AFF1: variants seen among roughly 807,000 people sequenced by gnomAD.
The protein encoded by AFF1 is ALF transcription elongation factor 1.
In AFF1, 48 loss-of-function variants were observed where a neutral mutation model predicts 121.7. The observed-to-expected ratio is 0.39, with a 90% CI of 0.31 to 0.50. AFF1 has a LOEUF of 0.50. AFF1 is among the 20% of genes least tolerant of loss of function. The pLI is 0.76. For synonymous variants in AFF1, 613 were observed against 563.0 expected (o/e 1.09, Z -1.26); for missense variants, 1,523 against 1,511.7 (o/e 1.01, Z -0.12).
intron 2 of AFF1, among the ~76,000 whole-genome samples, chr4:87,038,964 T>C (rs1729839093): frequency 6.6e-6 from 1 of 152,144 alleles, no homozygotes; most frequent in Non-Finnish European, 1.5e-5. Context: ...GGTAGTCAGC[T>C]GTGCACAGCC....
intron 2 of AFF1, among the ~76,000 whole-genome samples, chr4:86,980,590 C>G (rs1230291985): frequency 2.0e-5 from 3 of 151,980 alleles, no homozygotes; most frequent in Admixed American, 1.3e-4. Context: ...TGCATAATCT[C>G]TAAGAGATAT....
chr4:86,951,089 A>T (rs1054324689), intron 2 of AFF1, among the ~76,000 whole-genome samples: 1 of 152,214 alleles, frequency 6.6e-6, no homozygotes, highest in Non-Finnish European at 1.5e-5. Context: ...AGTGTTTTTT[A>T]CATAACAATC....
chr4:87,076,566 A>G (rs1313405112), intron 4 of AFF1, among the ~76,000 whole-genome samples: 1 of 152,222 alleles, frequency 6.6e-6, no homozygotes, highest in Non-Finnish European at 1.5e-5. Context: ...ATGTAATAAT[A>G]CTTTATTTTT....
chr4:87,102,849 G>A (rs748118287), intron 8 of AFF1, among the ~76,000 whole-genome samples: 1 of 152,186 alleles, frequency 6.6e-6, no homozygotes, highest in African/African-American at 2.4e-5. Flanking sequence ...GCTCACCCAG[G>A]TGTGCTGTAG....
chr4:86,951,692 G>A (rs1156613017), intron 2 of AFF1, among the ~76,000 whole-genome samples: 1 of 129,940 alleles, frequency 7.7e-6, no homozygotes, highest in East Asian at 2.3e-4. Context: ...GCATGATCTT[G>A]GCTCACTACA....
At chr4:86,982,877 GAA>G (rs1723886264) in intron 2 of AFF1, among the ~76,000 whole-genome samples, 1 of 127,164 alleles carries the variant, frequency 7.9e-6, no homozygotes, top group African/African-American at 3.5e-5. Flanking sequence ...AAAAAAAAAG[GAA>G]GCTTGTTTGC....
At chr4:87,089,889 G>T in intron 5 of AFF1, 95 bp from the exon 6 acceptor site, 62 of 796,842 alleles carry the variant, frequency 7.8e-5, no homozygotes, top group Middle Eastern at 2.5e-4. Flanking sequence ...TGCCATTTAT[G>T]ATCAATCCAT....
intron 2 of AFF1, among the ~76,000 whole-genome samples, chr4:86,955,032 T>C (rs1406887790): frequency 6.6e-6 from 1 of 152,224 alleles, no homozygotes; most frequent in East Asian, 1.9e-4. Context: ...ATAATGTAAT[T>C]ATCCTTTTTG....
At chr4:87,033,981 C>T (rs912397608) in intron 2 of AFF1, among the ~76,000 whole-genome samples, 1 of 152,136 alleles carries the variant, frequency 6.6e-6, no homozygotes, top group Non-Finnish European at 1.5e-5. Flanking sequence ...CCTGCAGCCA[C>T]ATGCATTCTT....
In AFF1 at chr4:87,111,012, A is replaced by ATT. The variant is rs1281817683; in HGVS notation, c.1533+2709_1533+2710dup. On this transcript the variant is annotated intron_variant, in intron 11 of 20. Coordinates refer to ENST00000395146, the MANE Select transcript of AFF1 (RefSeq NM_001166693.3). Reference sequence around the variant, plus strand: ...ACTTAAACTTTATTTTTTTTTTTTTATTTTTTTTTTTTTGAGACGGAGTCT... The same window carrying ATT: ...ACTTAAACTTTATTTTTTTTTTTTTATTTTTTTTTTTTTTTGAGACGGAGTCT... Among the ~76,000 whole-genome samples, 50 of 29,276 alleles carry ATT rather than the reference A, an allele frequency of 1.7e-3. 15 individuals carry two copies. The highest frequency in any genetic ancestry group is 3.8e-3 in the African/African-American group (43 of 11,240). The allele number at this position is 29,276 out of a possible 152,430, so 19.2% of individuals were successfully genotyped here. A position where few individuals can be genotyped will look rare whatever the true frequency, so the allele number is the denominator to read the frequency against.
rs555990599 is a variant in AFF1, at chr4:87,132,253, TTC to T, written c.3174-16_3174-15del. 2.0e-5 allele frequency: 32 copies of T among 1,606,460 alleles called. No individual in the cohort carries two copies. Among genetic ancestry groups the T allele is most frequent in the Non-Finnish European group, 2.3e-5 (27 of 1,176,208 alleles). On this transcript the variant is annotated splice_polypyrimidine_tract_variant and intron_variant, in intron 18 of 20. Coordinates refer to ENST00000395146, the MANE Select transcript of AFF1 (RefSeq NM_001166693.3). Reference sequence around the variant, plus strand: ...GTATGATAGTCACGTGCAGTTTCACTTCTGTCTTTGTTCATAGCATGCGTTGC... The same window carrying T: ...GTATGATAGTCACGTGCAGTTTCACTTGTCTTTGTTCATAGCATGCGTTGC...
chr4:87,132,496 T>A, intron 19 of AFF1, 88 bp downstream of exon 19: 3 of 1,346,788 alleles, frequency 2.2e-6, no homozygotes, highest in Non-Finnish European at 3.0e-6. Context: ...TATGCTTACA[T>A]ATGTCACTTT....
chr4:87,028,894 G>C (rs908363485), intron 2 of AFF1, among the ~76,000 whole-genome samples: 1 of 152,206 alleles, frequency 6.6e-6, no homozygotes, highest in African/African-American at 2.4e-5. Flanking sequence ...AAGGCAGGCG[G>C]ATTGTCCCCA....
chr4:87,035,573 A>C (rs1729486303), intron 2 of AFF1, among the ~76,000 whole-genome samples: 1 of 151,676 alleles, frequency 6.6e-6, no homozygotes, highest in African/African-American at 2.4e-5. Context: ...GGAAAAAAAA[A>C]AAATACTCAG....
At chr4:87,087,230 A>G (rs1435646173) in intron 5 of AFF1, among the ~76,000 whole-genome samples, 1 of 152,244 alleles carries the variant, frequency 6.6e-6, no homozygotes, top group Non-Finnish European at 1.5e-5. Context: ...ATACTTGTTA[A>G]GCCTCCACAG....
Position 87,047,410 on chromosome 4 carries a change from C to T in AFF1, c.875C>T (p.Ala292Val), listed in dbSNP as rs148617591. The T allele has an allele frequency of 6.1e-5, 99 of 1,614,102 alleles. No homozygotes were observed. In the African/African-American group the frequency reaches 1.2e-3, roughly 19 times the overall value. The stretch of plus-strand genomic sequence containing the variant: ...CCCTCCCTCCCCTCAAAAAGTGTTG[C>T]AATGCAGCAGAAGCCCACGGCTTAT... ...PPPSLPSKSV[A>V]MQQKPTAYVR... is the part of the protein sequence containing the mutation. The change falls in exon 4 of 21, where the codon GCA (alanine) becomes GTA (valine). Residue 292 changes from alanine to valine, a missense_variant. Transcript: ENST00000395146.
In AFF1 at chr4:87,111,005, T is replaced by TA. The variant is rs1560635323; in HGVS notation, c.1533+2690_1533+2691insA. Among the ~76,000 whole-genome samples the TA allele has an allele frequency of 1.6e-4, 4 of 25,280 alleles. 1 individual carries two copies. The highest frequency in any genetic ancestry group is 5.4e-4 in the African/African-American group (4 of 7,380). The allele number at this position is 25,280 out of a possible 152,430, so 16.6% of individuals were successfully genotyped here. ...TTTATCTACTTAAACTTTATTTTTT[T>TA]TTTTTTATTTTTTTTTTTTTGAGAC... On this transcript the variant is annotated intron_variant, in intron 11 of 20. Coordinates refer to ENST00000395146, the MANE Select transcript of AFF1 (RefSeq NM_001166693.3).
At position 87,111,156 on chromosome 4, in the gene AFF1, C is replaced by T. The variant is rs1339421590; in HGVS notation, c.1533+2841C>T. On this transcript the variant is annotated intron_variant, in intron 11 of 20. Transcript: ENST00000395146. ...CCGAGTAGCTGGGACTACAGGCGCC[C>T]GCTACCACGCCCGGCTAATTTTTTG... 6.3e-5 allele frequency among the ~76,000 whole-genome samples: 5 copies of T among 79,564 alleles called. 1 individual carries two copies. Among genetic ancestry groups the T allele is most frequent in the Admixed American group, 3.2e-4 (2 of 6,294 alleles). 52.2% of individuals were successfully genotyped at this position (79,564 alleles called of 152,430 possible). A position where few individuals can be genotyped will look rare whatever the true frequency, so the allele number is the denominator to read the frequency against.
chr4:87,091,827 A>G lies in AFF1; in HGVS notation c.1226A>G (p.Gln409Arg), dbSNP rs773997809. 2 of 1,560,478 alleles carry G rather than the reference A, an allele frequency of 1.3e-6. No homozygotes were observed. The highest frequency in any genetic ancestry group is 1.2e-5 in the South Asian group (1 of 82,760). Residue 409 changes from glutamine to arginine, a missense_variant and splice_region_variant, in exon 7 of 21, where the codon CAA becomes CGA. Gln to Arg is a conservative substitution (Grantham distance 43). Transcript: ENST00000395146. The stretch of plus-strand genomic sequence containing the variant: ...CATGTCAGTTCTGTAACCCAAAACC[A>G]AAGTAAGTAAATTTGAAACTGCTTA... ...SQHVSSVTQN[Q>R]KQYDTSSKTH...
Sources: gnomAD v4.1 joint callset for allele counts (sites outside exome capture counted in the v4.1 genomes callset) on GRCh38, gnomAD v4.1.1 for gene constraint, MANE v1.5 for transcripts, NCBI Gene and HGNC (gene_info 2026-07-23, HGNC 2026-07-21) for gene names.